GRIK4: variants seen among roughly 807,000 people sequenced by gnomAD.
The protein encoded by GRIK4 is glutamate ionotropic receptor kainate type subunit 4, also known as glutamate receptor ionotropic, kainate 4.
In GRIK4, 40 loss-of-function variants were observed where a neutral mutation model predicts 104.9. The observed-to-expected ratio is 0.38, with a 90% confidence interval of 0.30 to 0.50. The LOEUF is 0.50. Ranked by LOEUF, GRIK4 falls within the 20% of genes least tolerant of loss-of-function variation. The probability of loss-of-function intolerance (pLI) is 0.93; values close to 1 mark genes in which losing one functional copy is unlikely to be tolerated. For missense variants in GRIK4, 1,047 were observed against 1,308.1 expected, an observed-to-expected ratio of 0.80 and a Z score of 3.08; for synonymous variants, 485 against 524.9, an observed-to-expected ratio of 0.92 and a Z score of 1.04.
chr11:120,919,723 G>T (rs1190304140), intron 13 of GRIK4, among the ~76,000 whole-genome samples: 1 of 152,174 alleles, frequency 6.6e-6, no homozygotes, highest in Admixed American at 6.5e-5. Context: ...TTTAATGATG[G>T]TAGGGGCAGT....
At chr11:120,929,349 G>A (rs1490200389) in intron 13 of GRIK4, among the ~76,000 whole-genome samples, 1 of 152,146 alleles carries the variant, frequency 6.6e-6, no homozygotes, top group Non-Finnish European at 1.5e-5. Flanking sequence ...GCTCGTGTGG[G>A]CCAGGAGTGG....
chr11:120,776,455 A>G (rs942003107), intron 3 of GRIK4, among the ~76,000 whole-genome samples: 4 of 152,348 alleles, frequency 2.6e-5, no homozygotes, highest in African/African-American at 9.6e-5. Context: ...CCTTTGTAGA[A>G]GGGACACCCT....
chr11:120,770,134 C>T (rs1312892355), intron 3 of GRIK4, among the ~76,000 whole-genome samples: 1 of 152,178 alleles, frequency 6.6e-6, no homozygotes, highest in Non-Finnish European at 1.5e-5. Flanking sequence ...CACTTACTAG[C>T]TTTGCAGTCC....
chr11:120,598,365 G>C (rs1948835543), intron 1 of GRIK4, among the ~76,000 whole-genome samples: 1 of 152,160 alleles, frequency 6.6e-6, no homozygotes, highest in Non-Finnish European at 1.5e-5. Context: ...GCAGAACGGT[G>C]GTTTGAATTC....
chr11:120,848,281 C>T (rs1002922038), intron 8 of GRIK4, among the ~76,000 whole-genome samples: 3 of 152,214 alleles, frequency 2.0e-5, no homozygotes, highest in African/African-American at 7.2e-5. Flanking sequence ...GGGCTTACCT[C>T]CTATGCTCTG....
chr11:120,775,716 T>C (rs905090718), intron 3 of GRIK4, among the ~76,000 whole-genome samples: 8 of 152,280 alleles, frequency 5.3e-5, no homozygotes, highest in Non-Finnish European at 1.0e-4. Context: ...TGCAGTTTCT[T>C]ATTTAAACCT....
chr11:120,915,323 T>C (rs1943083558), intron 13 of GRIK4, among the ~76,000 whole-genome samples: 1 of 152,192 alleles, frequency 6.6e-6, no homozygotes, highest in Non-Finnish European at 1.5e-5. Flanking sequence ...AAAAGGTTCT[T>C]TTCTGTCAGT....
chr11:120,726,170 A>C (rs920011646), intron 3 of GRIK4, among the ~76,000 whole-genome samples: 4 of 152,234 alleles, frequency 2.6e-5, no homozygotes, highest in Non-Finnish European at 5.9e-5. Context: ...AGAGGTCAGG[A>C]ACATAGAGAT....
chr11:120,702,245 C>T (rs905011065), intron 3 of GRIK4, among the ~76,000 whole-genome samples: 2 of 150,876 alleles, frequency 1.3e-5, no homozygotes, highest in Non-Finnish European at 3.0e-5. Flanking sequence ...TGAGCCACTG[C>T]GCCTGGCGAC....
At position 120,802,823 on chromosome 11, in the gene GRIK4, T is replaced by C; in HGVS notation, c.213T>C (p.Leu71=). ...AGGTCGAAGTGGACATCTTTGAGCT[T>C]CTCAGAGACAGCGAGTACGAGACTG... ...KAKVEVDIFE[L]LRDSEYETAE... is the part of the protein sequence containing the mutation. Residue 71 remains leucine, a synonymous_variant, in exon 4 of 21, where the codon CTT becomes CTC. Coordinates refer to ENST00000527524, the MANE Select transcript of GRIK4 (RefSeq NM_014619.5). The C allele has an allele frequency of 3.1e-6, 5 of 1,614,096 alleles. No homozygotes were observed. The highest frequency in any genetic ancestry group is 4.2e-6 in the Non-Finnish European group (5 of 1,179,988).
chr11:120,512,988 A>G (rs1342022841), intron 1 of GRIK4, among the ~76,000 whole-genome samples: 1 of 152,090 alleles, frequency 6.6e-6, no homozygotes, highest in South Asian at 2.1e-4. Context: ...GGCTCTTGGC[A>G]TCTGTACTTG....
At chr11:120,691,610 G>A (rs1385297846) in intron 3 of GRIK4, among the ~76,000 whole-genome samples, 1 of 152,194 alleles carries the variant, frequency 6.6e-6, no homozygotes, top group Non-Finnish European at 1.5e-5. Flanking sequence ...TAGGAGAGAG[G>A]GGTTTGCAGT....
intron 3 of GRIK4, among the ~76,000 whole-genome samples, chr11:120,802,355 G>A (rs1481935142): frequency 1.3e-5 from 2 of 152,196 alleles, no homozygotes; most frequent in African/African-American, 2.4e-5. Context: ...TTTGCACAAT[G>A]CCTGCTTGCC....
intron 1 of GRIK4, among the ~76,000 whole-genome samples, chr11:120,545,678 A>G (rs1222244217): frequency 3.9e-5 from 6 of 152,354 alleles, no homozygotes; most frequent in Non-Finnish European, 8.8e-5. Context: ...TGTGTGAAAC[A>G]ACAGTGGCAA....
chr11:120,778,404 C>T (rs759882148), intron 3 of GRIK4, among the ~76,000 whole-genome samples: 11 of 152,088 alleles, frequency 7.2e-5, no homozygotes, highest in Non-Finnish European at 1.5e-4. Context: ...CGTTTATATC[C>T]CTATGCCTTA....
chr11:120,751,260 G>A (rs761131481), intron 3 of GRIK4, among the ~76,000 whole-genome samples: 1 of 152,042 alleles, frequency 6.6e-6, no homozygotes, highest in Non-Finnish European at 1.5e-5. Flanking sequence ...CACGTGGCAA[G>A]GAAGCTGCCA....
At chr11:120,642,453 G>T (rs1234417999) in intron 1 of GRIK4, among the ~76,000 whole-genome samples, 1 of 151,754 alleles carries the variant, frequency 6.6e-6, no homozygotes, top group Non-Finnish European at 1.5e-5. Context: ...CTGGACCTTG[G>T]TTAAGTCATT....
At chr11:120,965,520 G>A (rs1355033372) in intron 18 of GRIK4, among the ~76,000 whole-genome samples, 1 of 152,078 alleles carries the variant, frequency 6.6e-6, no homozygotes, top group Non-Finnish European at 1.5e-5. Flanking sequence ...TGTAAGATGT[G>A]TAATAAGTAC....
intron 3 of GRIK4, among the ~76,000 whole-genome samples, chr11:120,758,032 G>A (rs763664638): frequency 1.4e-4 from 21 of 152,202 alleles, no homozygotes; most frequent in Non-Finnish European, 2.6e-4. Flanking sequence ...GAGATGCCAA[G>A]TGGGGATCAC....
Sources: allele counts gnomAD v4.1 joint callset (sites outside exome capture counted in the v4.1 genomes callset), GRCh38; gene constraint gnomAD v4.1.1; transcripts MANE v1.5; gene names NCBI Gene and HGNC (gene_info 2026-07-23, HGNC 2026-07-21).